KATNAL1: variants seen among roughly 807,000 people sequenced by gnomAD.
KATNAL1 encodes the protein katanin catalytic subunit A1 like 1, also known as katanin p60 ATPase-containing subunit A-like 1.
KATNAL1 carries 32 observed loss-of-function variants against 55.2 expected under a neutral mutation model. That is an observed-to-expected ratio of 0.58 (90% CI 0.44 to 0.78). The LOEUF is 0.78. Among genes scored for constraint, KATNAL1 ranks in the 30% least tolerant of loss-of-function variants. KATNAL1 has a pLI of 0.00. For missense variants in KATNAL1, 466 were observed against 600.9 expected, an observed-to-expected ratio of 0.78 and a Z score of 2.35; for synonymous variants, 193 against 193.6, an observed-to-expected ratio of 1.00 and a Z score of 0.02.
intron 9 of KATNAL1, among the ~76,000 whole-genome samples, chr13:30,214,803 C>T (rs963393014): frequency 2.0e-5 from 3 of 151,510 alleles, no homozygotes; most frequent in African/African-American, 4.9e-5. Flanking sequence ...AACGTTAGAC[C>T]TAAAACCATA....
chr13:30,274,540 A>T (rs1880610658), intron 3 of KATNAL1, among the ~76,000 whole-genome samples: 1 of 152,204 alleles, frequency 6.6e-6, no homozygotes, highest in Admixed American at 6.5e-5. Flanking sequence ...TATACAGAAG[A>T]AATAAAATAA....
chr13:30,247,583 GCAAGTTCA>G (rs1324906265), intron 4 of KATNAL1, among the ~76,000 whole-genome samples: 1 of 152,130 alleles, frequency 6.6e-6, no homozygotes, highest in Non-Finnish European at 1.5e-5. Flanking sequence ...AGACAGAACA[GCAAGTTCA>G]AATTTGCCAC....
chr13:30,294,508 T>G (rs534279473), intron 1 of KATNAL1, among the ~76,000 whole-genome samples: 2 of 152,186 alleles, frequency 1.3e-5, no homozygotes, highest in Non-Finnish European at 2.9e-5. Flanking sequence ...TGCAGAAGTA[T>G]GAAGCAAGTA....
chr13:30,282,729 CG>C (rs1214813943), intron 2 of KATNAL1, among the ~76,000 whole-genome samples: 2 of 146,646 alleles, frequency 1.4e-5, no homozygotes, highest in Non-Finnish European at 3.0e-5. Flanking sequence ...CCGAGGCAGG[CG>C]GATCACGAGG....
chr13:30,224,628 CA>C (rs1296538169), intron 9 of KATNAL1, among the ~76,000 whole-genome samples: 7 of 144,868 alleles, frequency 4.8e-5, no homozygotes, highest in Admixed American at 1.4e-4. Context: ...AAGTGTAAAG[CA>C]AAAAAAAAAT....
At chr13:30,306,915 A>ACGGGGCGGGCC (rs1179103402) in intron 1 of KATNAL1, 1 of 152,450 alleles carries the variant, frequency 6.6e-6, no homozygotes, top group Non-Finnish European at 1.5e-5. Context: ...GGGCCCAGCT[A>ACGGGGCGGGCC]CAGGGCGGGA....
chr13:30,298,443 A>G (rs1224254296), intron 1 of KATNAL1, among the ~76,000 whole-genome samples: 1 of 152,204 alleles, frequency 6.6e-6, no homozygotes, highest in South Asian at 2.1e-4. Flanking sequence ...AACAAATCAC[A>G]AAAGTACAGG....
At chr13:30,233,880 G>A (rs1014712787) in intron 6 of KATNAL1, among the ~76,000 whole-genome samples, 1 of 152,126 alleles carries the variant, frequency 6.6e-6, no homozygotes, top group African/African-American at 2.4e-5. Context: ...TTCATTTGTG[G>A]GAGCTAAGAA....
At chr13:30,249,425 A>G (rs1409389506) in intron 4 of KATNAL1, among the ~76,000 whole-genome samples, 1 of 152,170 alleles carries the variant, frequency 6.6e-6, no homozygotes, top group African/African-American at 2.4e-5. Context: ...ATTCATGCAT[A>G]TATATGTCAA....
rs1877223868 is a variant in KATNAL1, at chr13:30,241,028, G to A, written c.551C>T (p.Ala184Val). 3.7e-6 allele frequency: 6 copies of A among 1,613,256 alleles called. No individual in the cohort carries two copies. The highest frequency in any genetic ancestry group is 1.6e-4 in the Middle Eastern group (1 of 6,080). Residue 184 changes from alanine (A) to valine (V), a missense_variant, in exon 5 of 11, where the codon GCT becomes GTT. By Grantham distance (64) the Ala-to-Val change is moderately conservative. This residue lies in a region of KATNAL1 where 248 missense variants were observed against 275.5 expected (regional missense o/e 0.90). Transcript: ENST00000380615. ...TTCCACCAGATCCTTATCATAACCA[G>A]CACCATCAAATTTTGGCATTTCACC... ...SDGEMPKFDG[A>V]GYDKDLVEAL...
intron 3 of KATNAL1, among the ~76,000 whole-genome samples, chr13:30,268,976 AACAC>A (rs897815219): frequency 6.6e-6 from 1 of 152,158 alleles, no homozygotes; most frequent in Non-Finnish European, 1.5e-5. Flanking sequence ...CAGGAATGGT[AACAC>A]ACACACAATA....
intron 1 of KATNAL1, among the ~76,000 whole-genome samples, chr13:30,305,184 A>G (rs1287878801): frequency 6.6e-6 from 1 of 152,216 alleles, no homozygotes; most frequent in Non-Finnish European, 1.5e-5. Flanking sequence ...ACTGCCCTAT[A>G]TCAAGAAAAA....
intron 9 of KATNAL1, among the ~76,000 whole-genome samples, chr13:30,218,777 G>C (rs1414802312): frequency 6.6e-6 from 1 of 152,106 alleles, no homozygotes; most frequent in Non-Finnish European, 1.5e-5. Flanking sequence ...AGAGATCTAG[G>C]CTTGTGAATG....
At chr13:30,224,002 T>C (rs1284207333) in intron 9 of KATNAL1, among the ~76,000 whole-genome samples, 1 of 152,196 alleles carries the variant, frequency 6.6e-6, no homozygotes, top group Admixed American at 6.5e-5. Context: ...TTACAGAGTA[T>C]GTTCCTAACT....
intron 1 of KATNAL1, among the ~76,000 whole-genome samples, chr13:30,304,563 C>T (rs552334282): frequency 2.6e-5 from 4 of 152,198 alleles, no homozygotes; most frequent in African/African-American, 4.8e-5. Flanking sequence ...CCACTGCGCC[C>T]GGCCTACACA....
In KATNAL1 at chr13:30,256,746, A is replaced by G. The variant is rs116736768; in HGVS notation, c.324-1131T>C. ...TGTTAACATGTTGTGAGTCTGATAC[A>G]GCATATTTAGATGTTGGAATTAGAC... On this transcript the variant is annotated intron_variant, in intron 3 of 10. Transcript: ENST00000380615. Among the ~76,000 whole-genome samples, 436 of 152,362 alleles carry G rather than the reference A, an allele frequency of 2.9e-3. 2 individuals carry two copies. The highest frequency in any genetic ancestry group is 9.5e-3 in the African/African-American group (397 of 41,584).
At chr13:30,306,918 G>A (rs1883219366) in intron 1 of KATNAL1, 1 of 152,486 alleles carries the variant, frequency 6.6e-6, no homozygotes, top group African/African-American at 2.4e-5. Context: ...CCCAGCTACA[G>A]GGCGGGAAGC....
intron 3 of KATNAL1, among the ~76,000 whole-genome samples, chr13:30,271,878 G>GAAAAAA (rs71299873): frequency 9.1e-5 from 7 of 76,782 alleles, no homozygotes; most frequent in Non-Finnish European, 1.7e-4. Context: ...AAGAAAAGAG[G>GAAAAAA]AAAAAAAAAA....
chr13:30,260,718 T>C (rs1049279564), intron 3 of KATNAL1, among the ~76,000 whole-genome samples: 3 of 150,574 alleles, frequency 2.0e-5, no homozygotes, highest in Admixed American at 6.6e-5. Flanking sequence ...TATGGGACTA[T>C]GTGAAAAGAC....
Sources: gnomAD v4.1 joint callset for allele counts (sites outside exome capture counted in the v4.1 genomes callset) on GRCh38, gnomAD v4.1.1 for gene constraint, gnomAD v4.1.1 regional missense constraint, MANE v1.5 for transcripts, NCBI Gene and HGNC (gene_info 2026-07-23, HGNC 2026-07-21) for gene names.